The following MDFIC variants were observed in gnomAD, a reference collection of about 807,000 sequenced individuals.
The protein encoded by MDFIC is MyoD family inhibitor domain containing.
MDFIC carries 17 observed loss-of-function variants against 23.2 expected under a neutral mutation model. The observed-to-expected ratio is 0.73, with a 90% confidence interval of 0.50 to 1.10. MDFIC has a LOEUF of 1.10. MDFIC is among the 50% of genes least tolerant of loss of function. The probability of loss-of-function intolerance (pLI) is 0.00; values close to 1 mark genes in which losing one functional copy is unlikely to be tolerated. For synonymous variants in MDFIC, 120 were observed against 115.2 expected (o/e 1.04, Z -0.27); for missense variants, 356 against 316.6 (o/e 1.12, Z -0.95).
chr7:114,979,997 G>A (rs1055873659), intron 4 of MDFIC: 1 of 620,172 alleles, frequency 1.6e-6, no homozygotes, highest in Admixed American at 2.7e-5. Context: ...TCGTCTTCTA[G>A]AGTGAATAGT....
In MDFIC at chr7:115,014,085, T is replaced by G. The variant is rs193226201; in HGVS notation, c.494-1603T>G. On this transcript the variant is annotated intron_variant, in intron 4 of 4. Coordinates refer to ENST00000393486, the MANE Select transcript of MDFIC (RefSeq NM_001166345.3). ...ACTCTGGAATTTCCCTTTTGAGTAC[T>G]CTCTGACCCTTCCTCCTTTTCACCA... 3.3e-5 allele frequency: 33 copies of G among 985,386 alleles called. No homozygotes were observed. In the East Asian group the frequency reaches 3.4e-3, roughly 102 times the overall value. The allele number at this position is 985,386 out of a possible 1,614,324, so 61.0% of individuals were successfully genotyped here. A position where few individuals can be genotyped will look rare whatever the true frequency, so the allele number is the denominator to read the frequency against.
At chr7:114,949,998 A>C (rs923889397) in intron 3 of MDFIC, among the ~76,000 whole-genome samples, 1 of 152,200 alleles carries the variant, frequency 6.6e-6, no homozygotes, top group Non-Finnish European at 1.5e-5. Context: ...TCTGGGATGT[A>C]AATGTTAGAT....
intron 3 of MDFIC, among the ~76,000 whole-genome samples, chr7:114,953,665 A>G (rs1306167482): frequency 6.6e-6 from 1 of 152,148 alleles, no homozygotes; most frequent in Non-Finnish European, 1.5e-5. Context: ...TCTCTACTAC[A>G]GTTGTCCCTT....
At chr7:114,961,574 A>G (rs1038007762) in intron 3 of MDFIC, among the ~76,000 whole-genome samples, 12 of 152,168 alleles carry the variant, frequency 7.9e-5, no homozygotes, top group Non-Finnish European at 1.0e-4. Flanking sequence ...ATTTATAAAG[A>G]AAAGAGGTAT....
chr7:114,995,931 G>C (rs1314258468), intron 4 of MDFIC, among the ~76,000 whole-genome samples: 8 of 152,290 alleles, frequency 5.3e-5, no homozygotes, highest in Non-Finnish European at 1.5e-5. Context: ...GAAGACTGCA[G>C]CTGTTCCTAT....
At chr7:114,929,103 C>CT (rs71149772) in intron 2 of MDFIC, among the ~76,000 whole-genome samples, 21 of 4,672 alleles carry the variant, frequency 4.5e-3, no homozygotes, top group Non-Finnish European at 0.012. Context: ...ATCTATCTAT[C>CT]ATCTATCTAT....
At chr7:114,927,984 GC>G (rs11366660) in intron 2 of MDFIC, among the ~76,000 whole-genome samples, 123,201 of 152,102 alleles carry the variant, frequency 0.81, 51,755 homozygotes, top group Non-Finnish European at 0.92. Flanking sequence ...GGAAGGACAA[GC>G]TTAATTAGAA....
At chr7:114,935,157 T>C (rs1792399223) in intron 2 of MDFIC, among the ~76,000 whole-genome samples, 1 of 152,146 alleles carries the variant, frequency 6.6e-6, no homozygotes, top group Admixed American at 6.5e-5. Context: ...ATATCGATCA[T>C]CTGTAATAAT....
intron 3 of MDFIC, among the ~76,000 whole-genome samples, chr7:114,970,184 C>T (rs925205918): frequency 6.6e-6 from 1 of 152,118 alleles, no homozygotes; most frequent in Non-Finnish European, 1.5e-5. Flanking sequence ...TAAGAAGATT[C>T]CCCTTGTTTG....
chr7:115,006,935 G>GTTTTATTGTTTTTGC (rs142192123), intron 4 of MDFIC, among the ~76,000 whole-genome samples: 1 of 152,170 alleles, frequency 6.6e-6, no homozygotes, highest in African/African-American at 2.4e-5. Flanking sequence ...GTAAAGTATA[G>GTTTTATTGTTTTTGC]TTTCTAGCTT....
chr7:114,932,460 A>G (rs1205778270), intron 2 of MDFIC, among the ~76,000 whole-genome samples: 2 of 152,208 alleles, frequency 1.3e-5, no homozygotes, highest in Admixed American at 1.3e-4. Flanking sequence ...GACACAGACA[A>G]CAGTTATAGA....
intron 3 of MDFIC, among the ~76,000 whole-genome samples, chr7:114,960,494 G>A (rs184724867): frequency 1.9e-3 from 291 of 152,032 alleles, no homozygotes; most frequent in African/African-American, 5.7e-3. Context: ...AAAAAACCCC[G>A]CAAACACATA....
At position 114,986,763 on chromosome 7, in the gene MDFIC, G is replaced by A. The variant is rs576533373; in HGVS notation, c.493+6982G>A. On this transcript the variant is annotated intron_variant, in intron 4 of 4. Transcript: ENST00000393486. ...CATCTCCTGATGCCCCATTTTGGGC[G>A]AATTGCCCCTTTTTTGGGTCTCCCA... 1.1e-4 allele frequency among the ~76,000 whole-genome samples: 16 copies of A among 152,258 alleles called. 1 individual carries two copies. In the South Asian group the frequency reaches 1.2e-3, roughly 12 times the overall value.
At chr7:114,950,358 T>C (rs141772177) in intron 3 of MDFIC, among the ~76,000 whole-genome samples, 25 of 152,226 alleles carry the variant, frequency 1.6e-4, no homozygotes, top group Non-Finnish European at 3.2e-4. Flanking sequence ...AGGTTTTAGT[T>C]TGGACAAGTG....
rs1415340567 is a variant in MDFIC, at chr7:115,007,621, C to CGT, written c.494-8058_494-8057dup. ...GAGATCTATCTATCTATCTAGTGTG[C>CGT]GTGTGTGTGTATATATATATATATA... On this transcript the variant is annotated intron_variant, in intron 4 of 4. Coordinates refer to ENST00000393486, the MANE Select transcript of MDFIC (RefSeq NM_001166345.3). Among the ~76,000 whole-genome samples the CGT allele has an allele frequency of 3.9e-3, 293 of 74,780 alleles. 1 individual carries two copies. Among genetic ancestry groups the CGT allele is most frequent in the African/African-American group, 7.7e-3 (160 of 20,810 alleles). The allele number at this position is 74,780 out of a possible 152,430, so 49.1% of individuals were successfully genotyped here.
In MDFIC at chr7:114,922,421, G is replaced by A; in HGVS notation, c.-323G>A. 8.1e-7 allele frequency: 1 copy of A among 1,239,908 alleles called. No homozygotes were observed. The allele number at this position is 1,239,908 out of a possible 1,614,324, so 76.8% of individuals were successfully genotyped here. ...TGGCTGGAAAGAGGGGGCGGAGTGC[G>A]CGGAGTCAGAGCCGCCACCGCTGCC... On this transcript the variant is annotated 5_prime_UTR_variant, in exon 1 of 5. Transcript: ENST00000393486.
Position 114,923,220 on chromosome 7 carries a change from G to A in MDFIC, c.94+93G>A, listed in dbSNP as rs1312783501. Reference sequence around the variant, plus strand: ...CACAGATAGGGGTGGGGGGAGTGCTGTGAGGAGGGGCTCCCACTCGTAGTT... The same window carrying A: ...CACAGATAGGGGTGGGGGGAGTGCTATGAGGAGGGGCTCCCACTCGTAGTT... On this transcript the variant is annotated intron_variant, in intron 2 of 4. Coordinates refer to ENST00000393486, the MANE Select transcript of MDFIC (RefSeq NM_001166345.3). The A allele has an allele frequency of 3.5e-6, 5 of 1,442,852 alleles. No homozygotes were observed. In the African/African-American group the frequency reaches 4.2e-5, roughly 12 times the overall value. 89.4% of individuals were successfully genotyped at this position (1,442,852 alleles called of 1,614,324 possible).
At chr7:114,992,886 C>T (rs2945008) in intron 4 of MDFIC, among the ~76,000 whole-genome samples, 1 of 152,156 alleles carries the variant, frequency 6.6e-6, no homozygotes, top group South Asian at 2.1e-4. Context: ...GGAGGATTCC[C>T]TCTTTTTCTA....
intron 2 of MDFIC, among the ~76,000 whole-genome samples, chr7:114,937,593 G>C (rs1792451434): frequency 6.6e-6 from 1 of 152,196 alleles, no homozygotes; most frequent in African/African-American, 2.4e-5. Context: ...ATGAGTCCCA[G>C]TCACACAGAT....
Sources: allele counts gnomAD v4.1 joint callset (sites outside exome capture counted in the v4.1 genomes callset), GRCh38; gene constraint gnomAD v4.1.1; transcripts MANE v1.5; gene names NCBI Gene and HGNC (gene_info 2026-07-23, HGNC 2026-07-21).